The following LGSN variants were observed in gnomAD, a reference collection of about 807,000 sequenced individuals.
LGSN encodes lengsin, lens protein with glutamine synthetase domain.
A neutral mutation model predicts 19.5 loss-of-function variants in LGSN; 21 were observed. That is an observed-to-expected ratio of 1.07 (90% confidence interval 0.76 to 1.55). The LOEUF is 1.55. Ranked by LOEUF, LGSN falls within the 40% of genes most tolerant of loss-of-function variation. The probability of loss-of-function intolerance (pLI) is 0.00; values close to 1 mark genes in which losing one functional copy is unlikely to be tolerated. For synonymous variants in LGSN, 257 were observed against 215.6 expected, an observed-to-expected ratio of 1.19 and a Z score of -1.68; for missense variants, 673 against 608.5, an observed-to-expected ratio of 1.11 and a Z score of -1.12.
chr6:63,426,884 A>T, the LGSN span, among the ~76,000 whole-genome samples: 1 of 152,096 alleles, frequency 6.6e-6, no homozygotes, highest in African/African-American at 2.4e-5. Flanking sequence ...GACATTCTGA[A>T]TGACTGTGGC....
At chr6:63,412,410 A>G in the LGSN span, among the ~76,000 whole-genome samples, 29 of 133,128 alleles carry the variant, frequency 2.2e-4, no homozygotes, top group Middle Eastern at 3.6e-3. Flanking sequence ...AAAGAAAGAA[A>G]GAAAGAAGAA....
At chr6:63,289,564 A>T (rs1767685852) in intron 2 of LGSN, among the ~76,000 whole-genome samples, 1 of 152,090 alleles carries the variant, frequency 6.6e-6, no homozygotes, top group South Asian at 2.1e-4. Context: ...AAATTAAATC[A>T]ATGTGTTTTT....
the LGSN span, among the ~76,000 whole-genome samples, chr6:63,458,941 A>G: frequency 6.6e-6 from 1 of 152,210 alleles, no homozygotes; most frequent in East Asian, 1.9e-4. Flanking sequence ...CATTATGTAA[A>G]GTTTGTAATA....
At chr6:63,299,148 G>T (rs956220400) in intron 1 of LGSN, among the ~76,000 whole-genome samples, 1 of 151,200 alleles carries the variant, frequency 6.6e-6, no homozygotes, top group African/African-American at 2.5e-5. Flanking sequence ...AAAAATAGTG[G>T]CTAACTTAAA....
At chr6:63,535,611 C>A in the LGSN span, among the ~76,000 whole-genome samples, 1 of 152,000 alleles carries the variant, frequency 6.6e-6, no homozygotes, top group Non-Finnish European at 1.5e-5. Context: ...TATGAGGTAT[C>A]GAATGTTAAT....
At chr6:63,375,689 T>C in the LGSN span, among the ~76,000 whole-genome samples, 1 of 152,122 alleles carries the variant, frequency 6.6e-6, no homozygotes, top group Non-Finnish European at 1.5e-5. Context: ...GGTTTTATTA[T>C]TTCTCAACTT....
At chr6:63,437,351 C>T in the LGSN span, among the ~76,000 whole-genome samples, 5 of 152,018 alleles carry the variant, frequency 3.3e-5, no homozygotes, top group Non-Finnish European at 5.9e-5. Flanking sequence ...TGCAGACTGG[C>T]GCTTCTTGCT....
At chr6:63,463,862 A>G in the LGSN span, among the ~76,000 whole-genome samples, 4 of 152,206 alleles carry the variant, frequency 2.6e-5, no homozygotes, top group South Asian at 4.1e-4. Context: ...TGATGTATCA[A>G]TTTTGCAGAC....
chr6:63,572,344 C>A, the LGSN span: 12 of 279,274 alleles, frequency 4.3e-5, no homozygotes, highest in African/African-American at 2.6e-4. Context: ...CGGCGGCCGC[C>A]GCGGAGTGAC....
the LGSN span, chr6:63,572,614 C>T: frequency 2.4e-6 from 1 of 420,986 alleles, no homozygotes; most frequent in East Asian, 3.5e-5. Flanking sequence ...TCCGCCACGA[C>T]CACCGCCGCC....
the LGSN span, among the ~76,000 whole-genome samples, chr6:63,385,321 TACATAAA>T: frequency 6.6e-6 from 1 of 152,190 alleles, no homozygotes; most frequent in East Asian, 1.9e-4. Flanking sequence ...TACCAAAATA[TACATAAA>T]ACAAAAACTT....
At chr6:63,332,476 T>C in the LGSN span, among the ~76,000 whole-genome samples, 180 of 152,212 alleles carry the variant, frequency 1.2e-3, 3 homozygotes, top group African/African-American at 3.8e-3. Flanking sequence ...ACCCCAGAGC[T>C]GCATGGCTTT....
chr6:63,510,585 T>A, the LGSN span, among the ~76,000 whole-genome samples: 1 of 151,412 alleles, frequency 6.6e-6, no homozygotes. Flanking sequence ...TCAATATCTA[T>A]TATGTGCCAG....
At chr6:63,334,104 T>C in the LGSN span, among the ~76,000 whole-genome samples, 17 of 152,182 alleles carry the variant, frequency 1.1e-4, no homozygotes, top group East Asian at 3.9e-4. Flanking sequence ...TTCAACATAG[T>C]ACTAGAAGTC....
upstream of LGSN, among the ~76,000 whole-genome samples, chr6:63,324,707 T>C (rs181432326): frequency 2.9e-3 from 446 of 151,900 alleles, 3 homozygotes; most frequent in African/African-American, 0.01. Flanking sequence ...TAAAAAAAAA[T>C]TTTTTGGAAA....
the LGSN span, among the ~76,000 whole-genome samples, chr6:63,430,398 TA>T: frequency 6.6e-6 from 1 of 152,164 alleles, no homozygotes; most frequent in Non-Finnish European, 1.5e-5. Flanking sequence ...TATTTTATTT[TA>T]TTTATTTTAG....
chr6:63,482,696 C>T, the LGSN span, among the ~76,000 whole-genome samples: 2 of 152,076 alleles, frequency 1.3e-5, no homozygotes, highest in East Asian at 3.9e-4. Context: ...AAAATCCATT[C>T]ACTCTATTCT....
At chr6:63,414,339 G>A in the LGSN span, among the ~76,000 whole-genome samples, 1 of 152,014 alleles carries the variant, frequency 6.6e-6, no homozygotes, top group Admixed American at 6.6e-5. Context: ...ATTTCCTTGA[G>A]AACCTGTCGT....
chr6:63,516,318 T>C, the LGSN span, among the ~76,000 whole-genome samples: 679 of 152,318 alleles, frequency 4.5e-3, 48 homozygotes, highest in East Asian at 0.12. Context: ...TTGCCAAGAA[T>C]GCTTGGGAAA....
Sources: gnomAD v4.1 joint callset for allele counts (sites outside exome capture counted in the v4.1 genomes callset) on GRCh38, gnomAD v4.1.1 for gene constraint, MANE v1.5 for transcripts, NCBI Gene and HGNC (gene_info 2026-07-23, HGNC 2026-07-21) for gene names.